KCNIP4: variants seen among roughly 807,000 people sequenced by gnomAD.
KCNIP4 encodes potassium voltage-gated channel interacting protein 4.
KCNIP4 carries 12 observed loss-of-function variants against 34.0 expected under a neutral mutation model. That is an observed-to-expected ratio of 0.35 (90% CI 0.23 to 0.57). The LOEUF (loss-of-function observed/expected upper bound fraction) is 0.57. Among genes scored for constraint, KCNIP4 ranks in the 20% least tolerant of loss-of-function variants. KCNIP4 has a pLI of 0.83. For missense variants in KCNIP4, 238 were observed against 311.7 expected (o/e 0.76, Z 1.78); for synonymous variants, 124 against 102.2 (o/e 1.21, Z -1.29).
At chr4:21,076,554 C>G (rs983722750) in intron 1 of KCNIP4, among the ~76,000 whole-genome samples, 2 of 152,080 alleles carry the variant, frequency 1.3e-5, no homozygotes, top group Non-Finnish European at 2.9e-5. Context: ...TAATTATACT[C>G]AATAAAAATT....
At chr4:21,400,305 T>C (rs1281239889) in intron 1 of KCNIP4, among the ~76,000 whole-genome samples, 1 of 151,820 alleles carries the variant, frequency 6.6e-6, no homozygotes, top group Non-Finnish European at 1.5e-5. Flanking sequence ...ACAAGATAAC[T>C]GTAATGCCTG....
chr4:20,960,835 T>A (rs1349779699), intron 1 of KCNIP4, among the ~76,000 whole-genome samples: 1 of 151,768 alleles, frequency 6.6e-6, no homozygotes, highest in Non-Finnish European at 1.5e-5. Context: ...AGAAAGGGAG[T>A]CAGAGGGTCC....
At chr4:21,064,543 G>C (rs1278553711) in intron 1 of KCNIP4, among the ~76,000 whole-genome samples, 1 of 152,088 alleles carries the variant, frequency 6.6e-6, no homozygotes, top group Non-Finnish European at 1.5e-5. Flanking sequence ...TACCATTTAT[G>C]CTATAGTTAT....
chr4:21,768,980 T>G (rs530099345), intron 1 of KCNIP4, among the ~76,000 whole-genome samples: 24 of 152,202 alleles, frequency 1.6e-4, no homozygotes, highest in African/African-American at 5.5e-4. Flanking sequence ...AGCAATATCC[T>G]CGTTTTAAAA....
chr4:21,905,747 G>T (rs529024287), intron 1 of KCNIP4, among the ~76,000 whole-genome samples: 3 of 152,162 alleles, frequency 2.0e-5, no homozygotes, highest in Non-Finnish European at 4.4e-5. Context: ...AAAAGTGCAG[G>T]TGTCACAAAT....
intron 1 of KCNIP4, among the ~76,000 whole-genome samples, chr4:21,247,645 ATT>A (rs1402932233): frequency 2.3e-5 from 3 of 130,584 alleles, no homozygotes; most frequent in African/African-American, 1.1e-4. Flanking sequence ...ATATCTATAT[ATT>A]TATATCTATA....
At chr4:20,887,177 G>A (rs1313150621) in intron 1 of KCNIP4, among the ~76,000 whole-genome samples, 7 of 151,856 alleles carry the variant, frequency 4.6e-5, no homozygotes, top group Non-Finnish European at 1.0e-4. Flanking sequence ...AGGATTATGA[G>A]CTTGAATAGA....
At chr4:21,226,272 C>T (rs866688310) in intron 1 of KCNIP4, among the ~76,000 whole-genome samples, 2 of 30,270 alleles carry the variant, frequency 6.6e-5, no homozygotes, top group Non-Finnish European at 1.1e-4. Flanking sequence ...GGAGGGAGGG[C>T]GGGAGACAGA....
Position 20,728,998 on chromosome 4 carries a change from A to C in KCNIP4, c.*1084T>G, listed in dbSNP as rs1746946391. On this transcript the variant is annotated 3_prime_UTR_variant, in exon 9 of 9. Coordinates refer to ENST00000382152, the MANE Select transcript of KCNIP4 (RefSeq NM_025221.6). ...GTTGTTGAGCACTTATTTTCTACTA[A>C]ATCTTGGTAGTAGTTGTCAATGTAA... The C allele has an allele frequency of 6.6e-6, 1 of 152,170 alleles. No individual in the cohort carries two copies. The highest frequency in any genetic ancestry group is 6.6e-5 in the Admixed American group (1 of 15,246). 9.4% of individuals were successfully genotyped at this position (152,170 alleles called of 1,614,324 possible).
At chr4:21,602,975 T>C (rs746308961) in intron 1 of KCNIP4, among the ~76,000 whole-genome samples, 1 of 152,180 alleles carries the variant, frequency 6.6e-6, no homozygotes, top group Non-Finnish European at 1.5e-5. Context: ...ATGTTAAGTA[T>C]TTGCTTGCAT....
At chr4:21,520,167 C>T (rs1488335505) in intron 1 of KCNIP4, among the ~76,000 whole-genome samples, 1 of 152,016 alleles carries the variant, frequency 6.6e-6, no homozygotes, top group Non-Finnish European at 1.5e-5. Flanking sequence ...ACTGGGTTTG[C>T]CTTTCCCAGC....
At chr4:21,790,637 C>T (rs781059622) in intron 1 of KCNIP4, among the ~76,000 whole-genome samples, 1 of 151,766 alleles carries the variant, frequency 6.6e-6, no homozygotes, top group Non-Finnish European at 1.5e-5. Context: ...CAGAAGAGGG[C>T]GCTATCCTCA....
At chr4:21,095,151 TCA>T (rs1747351696) in intron 1 of KCNIP4, among the ~76,000 whole-genome samples, 2 of 152,190 alleles carry the variant, frequency 1.3e-5, no homozygotes. Flanking sequence ...GATCAGACAC[TCA>T]CAGTTTGAAA....
intron 1 of KCNIP4, among the ~76,000 whole-genome samples, chr4:21,322,806 C>CA (rs1322115617): frequency 1.3e-5 from 2 of 151,786 alleles, no homozygotes; most frequent in African/African-American, 4.8e-5. Flanking sequence ...AATCTGGTGT[C>CA]AAAGAAGTTA....
At chr4:20,951,099 GCTCT>G (rs140555890) in intron 1 of KCNIP4, among the ~76,000 whole-genome samples, 2 of 151,000 alleles carry the variant, frequency 1.3e-5, no homozygotes, top group African/African-American at 4.9e-5. Flanking sequence ...ACGTCAGAGT[GCTCT>G]CTCTCTCTCT....
At chr4:21,677,730 C>T (rs1413607183) in intron 1 of KCNIP4, among the ~76,000 whole-genome samples, 1 of 152,144 alleles carries the variant, frequency 6.6e-6, no homozygotes, top group Admixed American at 6.5e-5. Context: ...CTAGTCACAG[C>T]CACCACTCTT....
chr4:20,869,395 G>C (rs1211779614), intron 2 of KCNIP4, among the ~76,000 whole-genome samples: 1 of 151,958 alleles, frequency 6.6e-6, no homozygotes, highest in Admixed American at 6.6e-5. Context: ...GTAACTGTGG[G>C]CATTAAATGA....
At position 21,690,187 on chromosome 4, in the gene KCNIP4, C is replaced by T. The variant is rs74402352; in HGVS notation, c.61+258384G>A. Among the ~76,000 whole-genome samples the T allele has an allele frequency of 2.1e-4, 31 of 150,044 alleles. No individual in the cohort carries two copies. The East Asian group carries it at 4.5e-3, about 22-fold the overall frequency. On this transcript the variant is annotated intron_variant, in intron 1 of 8. Transcript: ENST00000382152. ...CGTAAATATACACATCAACGATGAT[C>T]TCTGTCATGGTCAGTTGGACTTTTC...
chr4:21,700,714 T>C (rs1712761941), intron 1 of KCNIP4, among the ~76,000 whole-genome samples: 1 of 152,158 alleles, frequency 6.6e-6, no homozygotes, highest in Non-Finnish European at 1.5e-5. Context: ...ATTTCAGTAG[T>C]ATCACAGTTC....
Sources: allele counts gnomAD v4.1 joint callset (sites outside exome capture counted in the v4.1 genomes callset), GRCh38; gene constraint gnomAD v4.1.1; transcripts MANE v1.5; gene names NCBI Gene and HGNC (gene_info 2026-07-23, HGNC 2026-07-21).